The following ITGB6 variants were observed in gnomAD, a reference collection of about 807,000 sequenced individuals.
The protein encoded by ITGB6 is integrin subunit beta 6.
A neutral mutation model predicts 84.5 loss-of-function variants in ITGB6; 80 were observed. The observed-to-expected ratio is 0.95, with a 90% confidence interval of 0.79 to 1.14. The LOEUF is 1.14. Among genes scored for constraint, ITGB6 ranks in the 50% most tolerant of loss-of-function variants. The probability of loss-of-function intolerance (pLI) is 0.00; values close to 1 mark genes in which losing one functional copy is unlikely to be tolerated. For synonymous variants in ITGB6, 383 were observed against 354.9 expected (o/e 1.08, Z -0.89); for missense variants, 1,006 against 968.0 (o/e 1.04, Z -0.52).
intron 7 of ITGB6, among the ~76,000 whole-genome samples, chr2:160,150,421 A>C (rs1259162782): frequency 6.6e-6 from 1 of 152,214 alleles, no homozygotes; most frequent in African/African-American, 2.4e-5. Flanking sequence ...AGATTTTGTC[A>C]CCACCAGGCC....
At chr2:160,190,041 C>G (rs1244581566) in intron 4 of ITGB6, among the ~76,000 whole-genome samples, 1 of 152,094 alleles carries the variant, frequency 6.6e-6, no homozygotes, top group Non-Finnish European at 1.5e-5. Context: ...ATAATGAGTT[C>G]ATGTCCTTTG....
chr2:160,165,157 A>G (rs1002269765), intron 7 of ITGB6, among the ~76,000 whole-genome samples: 18 of 152,256 alleles, frequency 1.2e-4, no homozygotes, highest in African/African-American at 4.3e-4. Flanking sequence ...TACTAAAATC[A>G]CAAGTTTGGA....
intron 10 of ITGB6, among the ~76,000 whole-genome samples, chr2:160,135,691 G>T (rs1177499225): frequency 4.2e-5 from 6 of 143,338 alleles, no homozygotes; most frequent in African/African-American, 1.5e-4. Flanking sequence ...GCATGGTACT[G>T]GTACCAAAAC....
chr2:160,180,470 T>A (rs1308015456), intron 4 of ITGB6, among the ~76,000 whole-genome samples: 1 of 152,138 alleles, frequency 6.6e-6, no homozygotes, highest in Non-Finnish European at 1.5e-5. Context: ...TAACTTTTAT[T>A]TTATGTTTAG....
intron 14 of ITGB6, among the ~76,000 whole-genome samples, chr2:160,106,622 TG>T (rs1696918342): frequency 1.3e-5 from 2 of 152,256 alleles, no homozygotes; most frequent in South Asian, 4.1e-4. Flanking sequence ...TGCATTTGGC[TG>T]TTGTATCTAA....
At chr2:160,167,985 T>TA (rs113305886) in intron 7 of ITGB6, among the ~76,000 whole-genome samples, 83,883 of 151,784 alleles carry the variant, frequency 0.55, 23,420 homozygotes, top group East Asian at 0.68. Flanking sequence ...TGGGGGTATT[T>TA]TAAAAAAGTC....
At chr2:160,194,457 G>A (rs1387193090) in intron 4 of ITGB6, among the ~76,000 whole-genome samples, 1 of 151,692 alleles carries the variant, frequency 6.6e-6, no homozygotes, top group Non-Finnish European at 1.5e-5. Flanking sequence ...GCAGTAATGG[G>A]CTTGCTTTTG....
intron 4 of ITGB6, among the ~76,000 whole-genome samples, chr2:160,174,392 T>C (rs1293829148): frequency 6.6e-6 from 1 of 152,176 alleles, no homozygotes; most frequent in Non-Finnish European, 1.5e-5. Flanking sequence ...AGATAACAGA[T>C]AATCAGGTGA....
intron 12 of ITGB6, among the ~76,000 whole-genome samples, chr2:160,114,168 G>GAGTC (rs1682659247): frequency 6.6e-6 from 1 of 152,076 alleles, no homozygotes; most frequent in African/African-American, 2.4e-5. Context: ...TATGATCTTT[G>GAGTC]AGTCACAACT....
At chr2:160,193,129 G>A (rs1354214672) in intron 4 of ITGB6, among the ~76,000 whole-genome samples, 1 of 152,110 alleles carries the variant, frequency 6.6e-6, no homozygotes, top group South Asian at 2.1e-4. Flanking sequence ...TCCAGTTTAG[G>A]TGTCTATCAA....
Position 160,169,248 on chromosome 2 carries a change from G to T in ITGB6, c.981C>A (p.Ile327=), listed in dbSNP as rs766445448. Residue 327 remains isoleucine, a synonymous_variant, in exon 7 of 15, where the codon ATC becomes ATA. Coordinates refer to ENST00000283249, the MANE Select transcript of ITGB6 (RefSeq NM_000888.5). ...GAACTTGTTCTTGGGTTACAGCGAAGATCAATAACACGTTGTTTTGTACCA... is the reference window on the plus strand; with the variant it reads ...GAACTTGTTCTTGGGTTACAGCGAATATCAATAACACGTTGTTTTGTACCA... The part of the protein sequence containing the change: ...DKLVQNNVLL[I]FAVTQEQVHL... 1.2e-6 allele frequency: 2 copies of T among 1,604,264 alleles called. No homozygotes were observed. Among genetic ancestry groups the T allele is most frequent in the African/African-American group, 2.7e-5 (2 of 74,698 alleles).
intron 7 of ITGB6, among the ~76,000 whole-genome samples, chr2:160,152,407 C>T (rs9711612): frequency 6.6e-6 from 1 of 152,130 alleles, no homozygotes; most frequent in South Asian, 2.1e-4. Flanking sequence ...ACCCTTCATG[C>T]TAAAAACTCT....
intron 10 of ITGB6, among the ~76,000 whole-genome samples, chr2:160,136,935 A>T (rs1026237385): frequency 1.3e-5 from 2 of 152,034 alleles, no homozygotes; most frequent in Admixed American, 6.5e-5. Flanking sequence ...TAGCATTAGG[A>T]GATATACCTA....
intron 10 of ITGB6, among the ~76,000 whole-genome samples, chr2:160,129,916 AT>A (rs1413573980): frequency 6.6e-6 from 1 of 151,892 alleles, no homozygotes; most frequent in East Asian, 1.9e-4. Flanking sequence ...GTATATATAT[AT>A]GTGTGTGTGT....
chr2:160,191,273 C>T (rs150201786), intron 4 of ITGB6, among the ~76,000 whole-genome samples: 14 of 152,232 alleles, frequency 9.2e-5, no homozygotes, highest in Admixed American at 2.6e-4. Context: ...AGGAACTACT[C>T]GCAGATGCCA....
intron 10 of ITGB6, among the ~76,000 whole-genome samples, chr2:160,135,325 G>A (rs1204231070): frequency 1.4e-4 from 21 of 151,964 alleles, no homozygotes; most frequent in Middle Eastern, 3.4e-3. Flanking sequence ...AGAATAAAAT[G>A]CCTAGGAATC....
intron 4 of ITGB6, among the ~76,000 whole-genome samples, chr2:160,177,884 T>C (rs1685492300): frequency 7.5e-6 from 1 of 132,556 alleles, no homozygotes; most frequent in Non-Finnish European, 1.8e-5. Flanking sequence ...TTATCTATCT[T>C]ATTTTTTTGG....
At chr2:160,104,924 A>G (rs1175797610) in intron 14 of ITGB6, among the ~76,000 whole-genome samples, 1 of 151,850 alleles carries the variant, frequency 6.6e-6, no homozygotes, top group Non-Finnish European at 1.5e-5. Context: ...AGTCCAGTGC[A>G]GTCCTATGGC....
intron 6 of ITGB6, among the ~76,000 whole-genome samples, chr2:160,170,752 C>T (rs376051640): frequency 6.6e-6 from 1 of 152,166 alleles, no homozygotes; most frequent in East Asian, 1.9e-4. Context: ...TAGATACGGT[C>T]TCTGGCTTCT....
Sources: gnomAD v4.1 joint callset for allele counts (sites outside exome capture counted in the v4.1 genomes callset) on GRCh38, gnomAD v4.1.1 for gene constraint, MANE v1.5 for transcripts, NCBI Gene and HGNC (gene_info 2026-07-23, HGNC 2026-07-21) for gene names.